Variants in ETF1 observed in about 807,000 individuals in gnomAD.
The protein encoded by ETF1 is eukaryotic peptide chain release factor subunit 1.
In ETF1, 4 loss-of-function variants were observed where a neutral mutation model predicts 55.1. The ratio of observed to expected loss-of-function variants is 0.07; its 90% CI spans 0.04 to 0.17. The LOEUF is 0.17. Ranked by LOEUF, ETF1 falls within the 10% of genes least tolerant of loss-of-function variation. The pLI, the probability that ETF1 is intolerant of heterozygous loss-of-function variation, is 1.00. For missense variants in ETF1, 142 were observed against 523.6 expected, an observed-to-expected ratio of 0.27 and a Z score of 7.11; for synonymous variants, 157 against 182.3, an observed-to-expected ratio of 0.86 and a Z score of 1.12.
At chr5:138,520,436 C>T (rs1200749154) in intron 2 of ETF1, among the ~76,000 whole-genome samples, 3 of 152,182 alleles carry the variant, frequency 2.0e-5, no homozygotes, top group Non-Finnish European at 2.9e-5. Context: ...ATTTCAACAC[C>T]AATGCCAGTA....
At chr5:138,518,094 C>T (rs1056716332) in intron 3 of ETF1, among the ~76,000 whole-genome samples, 3 of 150,160 alleles carry the variant, frequency 2.0e-5, no homozygotes, top group Admixed American at 6.7e-5. Context: ...CCCAGCTACT[C>T]GAGAGGCTGA....
chr5:138,513,107 G>C (rs1039542393), intron 5 of ETF1, 153 bp from the exon 6 acceptor site: 18 of 985,274 alleles, frequency 1.8e-5, no homozygotes, highest in African/African-American at 5.2e-5. Flanking sequence ...ACTGCTACTT[G>C]TTTTCAGAGA....
rs1274841333 is a variant in ETF1 at position 138,512,254 on chromosome 5, ATATATTTTT to A, written c.732+501_732+509del. 1.1e-3 allele frequency among the ~76,000 whole-genome samples: 20 copies of A among 17,928 alleles called. No individual in the cohort carries two copies. In the South Asian group the frequency reaches 0.03, roughly 27 times the overall value. The allele number at this position is 17,928 out of a possible 152,430, so 11.8% of individuals were successfully genotyped here. On this transcript the variant is annotated intron_variant, in intron 6 of 10. Transcript: ENST00000360541. ...TATATATATATATATATATATATAT[ATATATTTTT>A]TTTTTTTTTTAAAGGCAATTTCTTT...
chr5:138,513,323 C>G (rs1204239234), intron 5 of ETF1: 1 of 536,554 alleles, frequency 1.9e-6, no homozygotes. Flanking sequence ...CCTCCGTCTC[C>G]CGGGTTCAAG....
chr5:138,522,985 G>GA (rs1765296818), intron 2 of ETF1, among the ~76,000 whole-genome samples: 1 of 150,884 alleles, frequency 6.6e-6, no homozygotes, highest in African/African-American at 2.4e-5. Flanking sequence ...TGGTTGGGGC[G>GA]AAAGAGCAAG....
chr5:138,516,541 T>C (rs1379155707), intron 4 of ETF1, among the ~76,000 whole-genome samples: 1 of 152,156 alleles, frequency 6.6e-6, no homozygotes, highest in Non-Finnish European at 1.5e-5. Context: ...TCAGGAGGCT[T>C]GAGGCACAAG....
intron 7 of ETF1, 78 bp downstream of exon 7, chr5:138,511,397 C>A: frequency 1.0e-6 from 1 of 996,572 alleles, no homozygotes; most frequent in Admixed American, 3.3e-5. Flanking sequence ...CATACACACA[C>A]ACACATACAC....
At chr5:138,510,943 C>A (rs1764750277) in intron 8 of ETF1, 102 bp downstream of exon 8, 6 of 1,530,960 alleles carry the variant, frequency 3.9e-6, no homozygotes, top group African/African-American at 1.4e-5. Context: ...ATGGGTAGAT[C>A]TACCTTCTGA....
chr5:138,515,519 G>A (rs2127076911), intron 4 of ETF1, among the ~76,000 whole-genome samples: 1 of 152,352 alleles, frequency 6.6e-6, no homozygotes, highest in East Asian at 1.9e-4. Context: ...GTAGATTGAA[G>A]TTTTTAATAA....
At chr5:138,517,803 A>C in intron 3 of ETF1, 103 bp from the exon 4 acceptor site, 2 of 1,319,948 alleles carry the variant, frequency 1.5e-6, no homozygotes, top group African/African-American at 1.5e-5. Context: ...TGATCCTTTA[A>C]GTCATAATTT....
At chr5:138,536,365 G>A (rs1765930437) in intron 2 of ETF1, among the ~76,000 whole-genome samples, 1 of 152,218 alleles carries the variant, frequency 6.6e-6, no homozygotes, top group Non-Finnish European at 1.5e-5. Flanking sequence ...GAACCTGAAA[G>A]GATTGTGAGA....
chr5:138,524,881 A>C (rs1013326931), intron 2 of ETF1, among the ~76,000 whole-genome samples: 20 of 151,004 alleles, frequency 1.3e-4, no homozygotes, highest in African/African-American at 4.6e-4. Context: ...CGGCCAGGAT[A>C]TTTCTTTCTT....
In ETF1 at chr5:138,524,308, G is replaced by A. The variant is rs1375299313; in HGVS notation, c.87-5441C>T. 4.6e-5 allele frequency among the ~76,000 whole-genome samples: 7 copies of A among 151,946 alleles called. No individual in the cohort carries two copies. In the South Asian group the frequency reaches 8.3e-4, roughly 18 times the overall value. ...ATGGAGGTTGCAGTGAGCCCAAATC[G>A]TGCCACTACACTCCAGACTGGGTGA... On this transcript the variant is annotated intron_variant, in intron 2 of 10. Transcript: ENST00000360541.
Position 138,518,744 on chromosome 5 carries a change from T to G in ETF1, c.210A>C (p.Ser70=). 6.2e-7 allele frequency: 1 copy of G among 1,613,712 alleles called. No homozygotes were observed. Among genetic ancestry groups the G allele is most frequent in the Non-Finnish European group, 8.5e-7 (1 of 1,179,592 alleles). ...GTACAGATGTAATGGCTCCCAGGAC[T>G]GAAAGGCGGTTTACTCGTGACTTAA... The part of the protein sequence containing the change: ...SNIKSRVNRL[S]VLGAITSVQQ... The change falls in exon 3 of 11, where the codon TCA becomes TCC. Residue 70 remains serine, a synonymous_variant. Transcript: ENST00000360541.
intron 9 of ETF1, among the ~76,000 whole-genome samples, chr5:138,510,263 C>T (rs1764714731): frequency 7.0e-6 from 1 of 143,330 alleles, no homozygotes; most frequent in Non-Finnish European, 1.5e-5. Flanking sequence ...GAGGCTGAGG[C>T]AAGAGGATCA....
chr5:138,508,578 G>A, intron 10 of ETF1, 91 bp downstream of exon 10: 1 of 1,569,784 alleles, frequency 6.4e-7, no homozygotes, highest in South Asian at 1.2e-5. Flanking sequence ...CAGATAATAA[G>A]CACCTCACCG....
At chr5:138,523,862 T>C (rs1765340112) in intron 2 of ETF1, among the ~76,000 whole-genome samples, 1 of 151,890 alleles carries the variant, frequency 6.6e-6, no homozygotes, top group Admixed American at 6.6e-5. Flanking sequence ...CCTAGGAGTT[T>C]TGAGACCAGC....
intron 4 of ETF1, among the ~76,000 whole-genome samples, chr5:138,516,965 T>C (rs562011924): frequency 1.0e-3 from 157 of 152,250 alleles, no homozygotes; most frequent in African/African-American, 3.6e-3. Context: ...GGAATACTAC[T>C]TGGTAATCAA....
intron 2 of ETF1, among the ~76,000 whole-genome samples, chr5:138,535,853 C>T (rs755512943): frequency 1.9e-4 from 19 of 102,310 alleles, no homozygotes; most frequent in East Asian, 1.0e-3. Flanking sequence ...CAAGCCTGGG[C>T]GGGAAAGCGA....
Sources: gnomAD v4.1 joint callset for allele counts (sites outside exome capture counted in the v4.1 genomes callset) on GRCh38, gnomAD v4.1.1 for gene constraint, MANE v1.5 for transcripts, NCBI Gene and HGNC (gene_info 2026-07-23, HGNC 2026-07-21) for gene names.